MDP1: variants seen among roughly 807,000 people sequenced by gnomAD.
MDP1 encodes the protein magnesium dependent phosphatase 1, also known as magnesium-dependent phosphatase 1.
In MDP1, 18 loss-of-function variants were observed where a neutral mutation model predicts 21.6. The ratio of observed to expected loss-of-function variants is 0.83; its 90% CI spans 0.58 to 1.24. The LOEUF (loss-of-function observed/expected upper bound fraction) is 1.24, where lower values mean the gene tolerates loss of function less well. MDP1 is among the 50% of genes most tolerant of loss of function. MDP1 has a pLI of 0.00. For missense variants in MDP1, 207 were observed against 218.6 expected, an observed-to-expected ratio of 0.95 and a Z score of 0.33; for synonymous variants, 101 against 83.2, an observed-to-expected ratio of 1.21 and a Z score of -1.16.
chr14:24,214,552 A>G lies in MDP1; in HGVS notation c.257T>C (p.Leu86Pro). ...TTCCCGATGAACAAAGTACCTGAAG[A>G]GGTCAAAGAGCTCCAGTAGCTGGTT... ...GANQLLELFD[L>P]FRYFVHREIY... Residue 86 changes from leucine to proline, a missense_variant, in exon 4 of 6, where the codon CTC becomes CCC. Leu to Pro is a moderately conservative substitution (Grantham distance 98). Transcript: ENST00000288087. 6.2e-7 allele frequency: 1 copy of G among 1,614,182 alleles called. No homozygotes were observed. Among genetic ancestry groups the G allele is most frequent in the Non-Finnish European group, 8.5e-7 (1 of 1,180,044 alleles).
chr14:24,215,441 T>A, intron 3 of MDP1, 111 bp downstream of exon 3: 1 of 1,234,724 alleles, frequency 8.1e-7, no homozygotes, highest in Non-Finnish European at 1.2e-6. Context: ...GGAAAAAATA[T>A]GTAAATACTT....
chr14:24,215,947 C>A lies in MDP1; in HGVS notation c.9G>T (p.Arg3=). 1 of 1,614,228 alleles carries A rather than the reference C, an allele frequency of 6.2e-7. No homozygotes were observed. The highest frequency in any genetic ancestry group is 1.7e-4 in the Middle Eastern group (1 of 6,060). Reference sequence around the variant, plus strand: ...AATCAAAGACTGCCAGCTTCGGTAGCCGCGCCATGACCCGCACCGCAGGCT... The same window carrying A: ...AATCAAAGACTGCCAGCTTCGGTAGACGCGCCATGACCCGCACCGCAGGCT... MA[R]LPKLAVFDLD... Residue 3 remains arginine (R), a synonymous_variant, in exon 1 of 6, where the codon CGG becomes CGT. Transcript: ENST00000288087.
At position 24,215,761 on chromosome 14, in the gene MDP1, A is replaced by T; in HGVS notation, c.74T>A (p.Val25Glu). The T allele has an allele frequency of 6.2e-7, 1 of 1,614,190 alleles. No individual in the cohort carries two copies. The highest frequency in any genetic ancestry group is 8.5e-7 in the Non-Finnish European group (1 of 1,180,034). ...TLWPFWVDTH[V>E]DPPFHKSSDG... ...CCTGCTCTTATGGAACGGAGGGTCT[A>T]CGTGCGTGTCGACCCAGAAAGGCCA... The change falls in exon 2 of 6, where the codon GTA (valine) becomes GAA (glutamate). Residue 25 changes from valine (V) to glutamate (E), a missense_variant. Coordinates refer to ENST00000288087, the MANE Select transcript of MDP1 (RefSeq NM_138476.4).
Position 24,216,055 on chromosome 14 carries a change from T to TTTGTCTATGGC in MDP1, c.-101_-100insGCCATAGACAA. The TTTGTCTATGGC allele has an allele frequency of 6.6e-7, 1 of 1,521,082 alleles. No individual in the cohort carries two copies. The highest frequency in any genetic ancestry group is 9.0e-7 in the Non-Finnish European group (1 of 1,107,770). 94.2% of individuals were successfully genotyped at this position (1,521,082 alleles called of 1,614,324 possible). A position where few individuals can be genotyped will look rare whatever the true frequency, so the allele number is the denominator to read the frequency against. On this transcript the variant is annotated 5_prime_UTR_variant, in exon 1 of 6. Coordinates refer to ENST00000288087, the MANE Select transcript of MDP1 (RefSeq NM_138476.4). The stretch of plus-strand genomic sequence containing the variant: ...GCTAAGGCAGCCACCCTGCCTGCCA[T>TTTGTCTATGGC]AGACAAATGGCGACTAGAGCGTCGC...
chr14:24,214,746 A>G, intron 3 of MDP1, 147 bp from the exon 4 acceptor site: 1 of 810,088 alleles, frequency 1.2e-6, no homozygotes, highest in Non-Finnish European at 2.0e-6. Flanking sequence ...GTTTAACTCC[A>G]TTGCCTTCCT....
intron 4 of MDP1, 33 bp from the exon 5 acceptor site, chr14:24,214,428 G>C: frequency 6.2e-7 from 1 of 1,614,172 alleles, no homozygotes; most frequent in East Asian, 2.2e-5. Flanking sequence ...AACCAAGCTA[G>C]TATCTTGGTT....
At position 24,215,920 on chromosome 14, in the gene MDP1, C is replaced by G. The variant is rs772745690; in HGVS notation, c.36G>C (p.Leu12Phe). The G allele has an allele frequency of 6.2e-7, 1 of 1,614,188 alleles. No homozygotes were observed. The highest frequency in any genetic ancestry group is 1.1e-5 in the South Asian group (1 of 91,078). Reference protein sequence around the residue: ...ARLPKLAVFDLDYTLWPFWVD... With the variant: ...ARLPKLAVFDFDYTLWPFWVD... ...AATTCTCCCCTTCCCGTCCCTCACC[C>G]AAATCAAAGACTGCCAGCTTCGGTA... Residue 12 changes from leucine to phenylalanine, a missense_variant and splice_region_variant, in exon 1 of 6, where the codon TTG becomes TTC. Coordinates refer to ENST00000288087, the MANE Select transcript of MDP1 (RefSeq NM_138476.4).
At chr14:24,215,707 C>T (rs1367424170) in intron 2 of MDP1, 30 bp downstream of exon 2, 1 of 1,614,066 alleles carries the variant, frequency 6.2e-7, no homozygotes, top group African/African-American at 1.3e-5. Context: ...GGTCCTATCT[C>T]GCCCCCAGTC....
rs780202707 is a variant in MDP1, at chr14:24,214,350, AAAG to A, written c.360_362del (p.Phe121del). 7.4e-6 allele frequency: 12 copies of A among 1,614,106 alleles called. No individual in the cohort carries two copies. The African/African-American group carries it at 1.2e-4, about 16-fold the overall frequency. On this transcript the variant is annotated inframe_deletion, in exon 5 of 6. Transcript: ENST00000288087. ...CTACAATATTCCGCCTCTCATCATC[AAAG>A]AAGATCATCTGGGAGAAAGGAATTC...
rs1453025398 is a variant in MDP1, at chr14:24,216,009, G to C, written c.-54C>G. On this transcript the variant is annotated 5_prime_UTR_variant, in exon 1 of 6. Coordinates refer to ENST00000288087, the MANE Select transcript of MDP1 (RefSeq NM_138476.4). ...AGGTGGGGCTTCACCCGGGGCCTTAGAGAGTGCGGAACCTCCGGCAGCTAA... is the reference window on the plus strand; with the variant it reads ...AGGTGGGGCTTCACCCGGGGCCTTACAGAGTGCGGAACCTCCGGCAGCTAA... The C allele has an allele frequency of 1.1e-5, 18 of 1,611,918 alleles. No individual in the cohort carries two copies. In the East Asian group the frequency reaches 3.1e-4, roughly 28 times the overall value.
chr14:24,215,079 CACT>C (rs2039657365), intron 3 of MDP1, among the ~76,000 whole-genome samples: 6 of 144,294 alleles, frequency 4.2e-5, no homozygotes, highest in South Asian at 2.2e-4. Flanking sequence ...TGTCTGGCCC[CACT>C]TTTTTTTTTT....
chr14:24,215,589 A>G lies in MDP1; in HGVS notation c.172T>C (p.Leu58=). The change falls in exon 3 of 6, where the codon TTG becomes CTG. Residue 58 remains leucine (L), a synonymous_variant. Transcript: ENST00000288087. The stretch of plus-strand genomic sequence containing the variant: ...GCACCGGGCACCCCAAGGCTCTGCA[A>G]TCGTTTTAGGACCTCAGGCACCTCT... ...YPEVPEVLKR[L]QSLGVPGAAA... is the part of the protein sequence containing the mutation. 1 of 1,614,050 alleles carries G rather than the reference A, an allele frequency of 6.2e-7. No homozygotes were observed. Among genetic ancestry groups the G allele is most frequent in the South Asian group, 1.1e-5 (1 of 91,076 alleles).
intron 1 of MDP1, 39 bp downstream of exon 1, chr14:24,215,880 G>T (rs756090373): frequency 6.2e-7 from 1 of 1,614,222 alleles, no homozygotes; most frequent in South Asian, 1.1e-5. Context: ...TGTGGAAAAG[G>T]AGAGCACCTT....
Position 24,214,335 on chromosome 14 carries a change from C to G in MDP1, c.378G>C (p.Arg126=). The change falls in exon 5 of 6, where the codon CGG becomes CGC. Residue 126 remains arginine, a synonymous_variant. Transcript: ENST00000288087. ...CCAGTTTGCTGACGTCTACAATATT[C>G]CGCCTCTCATCATCAAAGAAGATCA... The part of the protein sequence containing the change: ...SQMIFFDDER[R]NIVDVSKLGV... 2 of 1,614,216 alleles carry G rather than the reference C, an allele frequency of 1.2e-6. No individual in the cohort carries two copies. Among genetic ancestry groups the G allele is most frequent in the Non-Finnish European group, 1.7e-6 (2 of 1,180,040 alleles).
rs1466038272 is a variant in MDP1 at position 24,214,470 on chromosome 14, C to T, written c.317+22G>A. On this transcript the variant is annotated intron_variant, in intron 4 of 5. Transcript: ENST00000288087. ...GCCTCTCTGATACTTTCTCACCCTG[C>T]TCCTCCCTTATCTCCGCATACCTCT... 3.1e-6 allele frequency: 5 copies of T among 1,614,096 alleles called. No individual in the cohort carries two copies. The African/African-American group carries it at 4.0e-5, about 13-fold the overall frequency.
chr14:24,214,161 TAAG>T lies in MDP1; in HGVS notation c.404-13_404-11del. The T allele has an allele frequency of 6.2e-7, 1 of 1,608,146 alleles. No individual in the cohort carries two copies. Among genetic ancestry groups the T allele is most frequent in the East Asian group, 2.2e-5 (1 of 44,830 alleles). ...TGAATGCAGGTAACACCTAGAAAGATAAGAAGTCACATTTCATTAAGCTTTCAG... is the reference window on the plus strand; with the variant it reads ...TGAATGCAGGTAACACCTAGAAAGATAAGTCACATTTCATTAAGCTTTCAG... On this transcript the variant is annotated splice_polypyrimidine_tract_variant and intron_variant, in intron 5 of 5. Coordinates refer to ENST00000288087, the MANE Select transcript of MDP1 (RefSeq NM_138476.4).
chr14:24,214,242 T>C, intron 5 of MDP1, 68 bp downstream of exon 5: 1 of 1,613,248 alleles, frequency 6.2e-7, no homozygotes, highest in South Asian at 1.1e-5. Context: ...GGGCAAACTA[T>C]CCAACCTGTA....
chr14:24,215,729 T>C lies in MDP1; in HGVS notation c.98+8A>G. 1 of 1,614,196 alleles carries C rather than the reference T, an allele frequency of 6.2e-7. No homozygotes were observed. The highest frequency in any genetic ancestry group is 8.5e-7 in the Non-Finnish European group (1 of 1,180,018). On this transcript the variant is annotated splice_region_variant and intron_variant, in intron 2 of 5. Transcript: ENST00000288087. ...TCTCGCCCCCAGTCTTCCCTGTCCCTACCTCACCTGCTCTTATGGAACGGA... is the reference window on the plus strand; with the variant it reads ...TCTCGCCCCCAGTCTTCCCTGTCCCCACCTCACCTGCTCTTATGGAACGGA...
Position 24,215,561 on chromosome 14 carries a change from G to A in MDP1, c.200C>T (p.Ala67Val). 1 of 1,614,176 alleles carries A rather than the reference G, an allele frequency of 6.2e-7. No individual in the cohort carries two copies. The highest frequency in any genetic ancestry group is 8.5e-7 in the Non-Finnish European group (1 of 1,180,040). The part of the protein sequence containing the change: ...RLQSLGVPGA[A>V]ASRTSEIEGA... ...CAGTCGCTCTTCTTACCTTGAAGCA[G>A]CCGCACCGGGCACCCCAAGGCTCTG... The change falls in exon 3 of 6, where the codon GCT (alanine) becomes GTT (valine). Residue 67 changes from alanine (A) to valine (V), a missense_variant. By Grantham distance (64) the Ala-to-Val change is moderately conservative. Coordinates refer to ENST00000288087, the MANE Select transcript of MDP1 (RefSeq NM_138476.4).
Sources: allele counts gnomAD v4.1 joint callset (sites outside exome capture counted in the v4.1 genomes callset), GRCh38; gene constraint gnomAD v4.1.1; transcripts MANE v1.5; gene names NCBI Gene and HGNC (gene_info 2026-07-23, HGNC 2026-07-21).